The following SULT2B1 variants were observed in gnomAD, a reference collection of about 807,000 sequenced individuals.
SULT2B1 encodes sulfotransferase 2B1.
Under a neutral mutation model 33.2 loss-of-function variants are expected in SULT2B1, and 16 were observed. The observed-to-expected ratio is 0.48, with a 90% CI of 0.33 to 0.73. The LOEUF (loss-of-function observed/expected upper bound fraction) is 0.73. Ranked by LOEUF, SULT2B1 falls within the 30% of genes least tolerant of loss-of-function variation. SULT2B1 has a pLI of 0.02. For synonymous variants in SULT2B1, 186 were observed against 200.5 expected (o/e 0.93, Z 0.61); for missense variants, 500 against 506.0 (o/e 0.99, Z 0.11).
intron 1 of SULT2B1, among the ~76,000 whole-genome samples, chr19:48,559,007 G>A (rs114177617): frequency 2.0e-5 from 3 of 151,588 alleles, no homozygotes; most frequent in South Asian, 2.1e-4. Context: ...TTTCTGAGAC[G>A]GGCTGATCAA....
intron 5 of SULT2B1, among the ~76,000 whole-genome samples, chr19:48,593,080 C>T (rs921052601): frequency 1.2e-4 from 18 of 152,104 alleles, no homozygotes; most frequent in Admixed American, 2.6e-4. Context: ...TGGTCAGGGG[C>T]GAGATTTAAC....
At chr19:48,568,185 A>G (rs1052621640) in intron 1 of SULT2B1, among the ~76,000 whole-genome samples, 1 of 151,118 alleles carries the variant, frequency 6.6e-6, no homozygotes, top group South Asian at 2.1e-4. Flanking sequence ...AGGTGGGAGG[A>G]TCGTTTGAGC....
At chr19:48,581,999 G>A (rs1003254817) in intron 2 of SULT2B1, among the ~76,000 whole-genome samples, 2 of 151,368 alleles carry the variant, frequency 1.3e-5, no homozygotes, top group Non-Finnish European at 2.9e-5. Flanking sequence ...CCGCCTCCTG[G>A]GTTCAAGCGA....
intron 2 of SULT2B1, among the ~76,000 whole-genome samples, chr19:48,580,737 C>T (rs1388216731): frequency 6.6e-6 from 1 of 151,884 alleles, no homozygotes; most frequent in East Asian, 1.9e-4. Context: ...AACTCCTGGG[C>T]ACAAGTGATG....
intron 2 of SULT2B1, among the ~76,000 whole-genome samples, chr19:48,585,899 C>T (rs1210647948): frequency 6.6e-6 from 1 of 152,042 alleles, no homozygotes; most frequent in Non-Finnish European, 1.5e-5. Context: ...TGTCCAGACA[C>T]CTGGGTTCAA....
chr19:48,592,468 G>A (rs1055492941), intron 4 of SULT2B1, among the ~76,000 whole-genome samples: 2 of 152,192 alleles, frequency 1.3e-5, no homozygotes, highest in African/African-American at 2.4e-5. Context: ...TGGCTTTGGA[G>A]GGAAATCCAG....
rs1459756620 is a variant in SULT2B1 at position 48,552,539 on chromosome 19, TG to T, written c.71+220del. Among the ~76,000 whole-genome samples, 1 of 152,012 alleles carries T rather than the reference TG, an allele frequency of 6.6e-6. No individual in the cohort carries two copies. The highest frequency in any genetic ancestry group is 2.4e-5 in the African/African-American group (1 of 41,368). The stretch of plus-strand genomic sequence containing the variant: ...GGACCCGACCGTGTTGAGTCACCAG[TG>T]GGGATGCCTGGGGTGTCCCTGTCGC... On this transcript the variant is annotated intron_variant, in intron 1 of 6. Coordinates refer to ENST00000201586, the MANE Select transcript of SULT2B1 (RefSeq NM_177973.2). The surrounding 1 kb of genome is among the most constrained non-coding windows in gnomAD (Gnocchi z 4.8).
chr19:48,588,114 G>A (rs190292873), intron 3 of SULT2B1, among the ~76,000 whole-genome samples: 1 of 151,378 alleles, frequency 6.6e-6, no homozygotes, highest in African/African-American at 2.4e-5. Flanking sequence ...GGAGGCTAAG[G>A]CAGGAGAATT....
chr19:48,572,462 T>C (rs186014611), intron 1 of SULT2B1, among the ~76,000 whole-genome samples: 1,623 of 150,300 alleles, frequency 0.011, no homozygotes, highest in African/African-American at 0.037. Flanking sequence ...TGCAGTGAGC[T>C]GAGATCACAC....
chr19:48,570,834 T>A (rs1322502137), intron 1 of SULT2B1, among the ~76,000 whole-genome samples: 1 of 151,464 alleles, frequency 6.6e-6, no homozygotes, highest in Non-Finnish European at 1.5e-5. Flanking sequence ...AAGATTCTCC[T>A]GCCTGAGCCT....
intron 1 of SULT2B1, among the ~76,000 whole-genome samples, chr19:48,554,204 G>A (rs1285843845): frequency 6.6e-6 from 1 of 151,806 alleles, no homozygotes; most frequent in Non-Finnish European, 1.5e-5. Context: ...CCCAGGCCTG[G>A]AAGCGTGCCT....
rs1037394184 is a variant in SULT2B1, at chr19:48,591,880, G to A, written c.550+145G>A. 66 of 813,014 alleles carry A rather than the reference G, an allele frequency of 8.1e-5. 3 individuals carry two copies. The highest frequency in any genetic ancestry group is 1.1e-4 in the Non-Finnish European group (65 of 617,758). 50.4% of individuals were successfully genotyped at this position (813,014 alleles called of 1,614,324 possible). A position where few individuals can be genotyped will look rare whatever the true frequency, so the allele number is the denominator to read the frequency against. ...GGGCAATAGAGACAGAGAGCAGGTG[G>A]CCAGGAGAAGAGACGGAGGGAGAGA... On this transcript the variant is annotated intron_variant, in intron 4 of 6. Coordinates refer to ENST00000201586, the MANE Select transcript of SULT2B1 (RefSeq NM_177973.2).
At chr19:48,568,387 C>T (rs1172957128) in intron 1 of SULT2B1, among the ~76,000 whole-genome samples, 5 of 152,044 alleles carry the variant, frequency 3.3e-5, no homozygotes, top group African/African-American at 1.2e-4. Flanking sequence ...TTGCTTTAGC[C>T]AAGGTGGTCA....
At chr19:48,597,713 G>A (rs1313470482) in intron 6 of SULT2B1, among the ~76,000 whole-genome samples, 3 of 146,026 alleles carry the variant, frequency 2.1e-5, no homozygotes, top group South Asian at 2.2e-4. Flanking sequence ...GCGCGATCTC[G>A]GCTCACTGCA....
intron 5 of SULT2B1, 28 bp downstream of exon 5, chr19:48,592,844 C>A: frequency 6.5e-7 from 1 of 1,537,522 alleles, no homozygotes; most frequent in Non-Finnish European, 8.8e-7. Context: ...CCAGGTGCAG[C>A]GTCCCCCCCA....
Position 48,596,769 on chromosome 19 carries a change from G to C in SULT2B1, c.676G>C (p.Gly226Arg). 1.2e-6 allele frequency: 2 copies of C among 1,607,790 alleles called. No individual in the cohort carries two copies. The highest frequency in any genetic ancestry group is 1.7e-6 in the Non-Finnish European group (2 of 1,179,878). Residue 226 changes from glycine to arginine, a missense_variant, in exon 6 of 7, where the codon GGG becomes CGG. Physicochemically the swap from Gly to Arg is moderately radical, Grantham distance 125. Coordinates refer to ENST00000201586, the MANE Select transcript of SULT2B1 (RefSeq NM_177973.2). The part of the protein sequence containing the change: ...DLQGSVERIC[G>R]FLGRPLGKEA... The stretch of plus-strand genomic sequence containing the variant: ...ACAGGGCTCCGTGGAGCGCATCTGT[G>C]GGTTCCTGGGCCGTCCGCTGGGCAA...
At chr19:48,580,319 C>T (rs1305377301) in intron 2 of SULT2B1, among the ~76,000 whole-genome samples, 3 of 151,022 alleles carry the variant, frequency 2.0e-5, no homozygotes, top group Admixed American at 6.6e-5. Context: ...AGTGCAGTGG[C>T]GAGATCTCTG....
intron 2 of SULT2B1, among the ~76,000 whole-genome samples, chr19:48,577,028 A>ATTTTTTTTTTT (rs71179012): frequency 3.2e-5 from 3 of 92,954 alleles, no homozygotes; most frequent in African/African-American, 9.3e-5. Context: ...ACCCCCCTCT[A>ATTTTTTTTTTT]TTTTTTTTTT....
chr19:48,565,958 G>A (rs1298042361), intron 1 of SULT2B1, among the ~76,000 whole-genome samples: 1 of 150,694 alleles, frequency 6.6e-6, no homozygotes, highest in Non-Finnish European at 1.5e-5. Context: ...TGTTACCCAG[G>A]CTGGAGTGCA....
Sources: gnomAD v4.1 joint callset for allele counts (sites outside exome capture counted in the v4.1 genomes callset) on GRCh38, gnomAD v4.1.1 for gene constraint, Gnocchi (gnomAD v3.1) non-coding constraint, MANE v1.5 for transcripts, NCBI Gene and HGNC (gene_info 2026-07-23, HGNC 2026-07-21) for gene names.